Variants in PCDH9 observed in about 807,000 individuals in gnomAD.
PCDH9 encodes protocadherin 9.
A neutral mutation model predicts 70.6 loss-of-function variants in PCDH9; 24 were observed. The observed-to-expected ratio is 0.34, with a 90% confidence interval of 0.25 to 0.48. The LOEUF (loss-of-function observed/expected upper bound fraction) is 0.48, where lower values mean the gene tolerates loss of function less well. PCDH9 is among the 20% of genes least tolerant of loss of function. The pLI, the probability that PCDH9 is intolerant of heterozygous loss-of-function variation, is 0.99. For synonymous variants in PCDH9, 562 were observed against 558.5 expected (o/e 1.01, Z -0.09); for missense variants, 1,281 against 1,503.6 (o/e 0.85, Z 2.45).
intron 4 of PCDH9, among the ~76,000 whole-genome samples, chr13:66,433,201 CTAA>C (rs1211487637): frequency 3.3e-5 from 5 of 151,948 alleles, no homozygotes; most frequent in Non-Finnish European, 7.4e-5. Context: ...TTATATGAGA[CTAA>C]CTTGCAATAG....
intron 3 of PCDH9, among the ~76,000 whole-genome samples, chr13:66,877,389 T>C (rs1037367465): frequency 6.6e-6 from 1 of 151,728 alleles, no homozygotes; most frequent in Non-Finnish European, 1.5e-5. Flanking sequence ...TAGTGGTTTT[T>C]TTTTTTTGTT....
intron 2 of PCDH9, among the ~76,000 whole-genome samples, chr13:66,958,248 TTAC>T (rs2083293456): frequency 6.6e-6 from 1 of 152,168 alleles, no homozygotes; most frequent in Non-Finnish European, 1.5e-5. Context: ...AGACTGAGTA[TTAC>T]AATTGGAGTG....
intron 2 of PCDH9, among the ~76,000 whole-genome samples, chr13:67,042,193 G>A (rs988773575): frequency 2.0e-5 from 3 of 152,088 alleles, no homozygotes; most frequent in Middle Eastern, 3.2e-3. Context: ...TCTGAGATTT[G>A]GGGGATTGTG....
intron 3 of PCDH9, among the ~76,000 whole-genome samples, chr13:66,865,926 C>T: frequency 6.6e-6 from 1 of 152,168 alleles, no homozygotes; most frequent in East Asian, 1.9e-4. Flanking sequence ...CAAGGCTATC[C>T]TTAAATTTCG....
intron 2 of PCDH9, among the ~76,000 whole-genome samples, chr13:67,123,814 C>A (rs1480605092): frequency 6.6e-6 from 1 of 151,664 alleles, no homozygotes; most frequent in Non-Finnish European, 1.5e-5. Flanking sequence ...TTTGTATTTT[C>A]CCTTTGTAAA....
chr13:66,660,818 C>CCATTTTATTTTCTTTTTA (rs1328581093), intron 3 of PCDH9, among the ~76,000 whole-genome samples: 2 of 150,808 alleles, frequency 1.3e-5, no homozygotes, highest in African/African-American at 2.4e-5. Flanking sequence ...ATAATCAATC[C>CCATTTTATTTTCTTTTTA]CATTTTATTT....
chr13:66,341,267 G>T (rs901702456), intron 4 of PCDH9, among the ~76,000 whole-genome samples: 1 of 151,750 alleles, frequency 6.6e-6, no homozygotes, highest in African/African-American at 2.4e-5. Flanking sequence ...TAATGTTTTA[G>T]TTTTTTTGTA....
intron 3 of PCDH9, among the ~76,000 whole-genome samples, chr13:66,900,955 C>T (rs962334997): frequency 9.2e-5 from 14 of 151,620 alleles, no homozygotes; most frequent in African/African-American, 3.4e-4. Context: ...ATTTCAGATG[C>T]CAATTTTGTA....
intron 2 of PCDH9, among the ~76,000 whole-genome samples, chr13:66,972,448 T>G (rs1924311): frequency 1.3e-5 from 2 of 151,824 alleles, no homozygotes; most frequent in African/African-American, 4.8e-5. Flanking sequence ...TTTCTTAACT[T>G]GCATTATAAC....
rs184656759 is a variant in PCDH9, at chr13:66,960,735, T to A, written c.3037-57130A>T. Among the ~76,000 whole-genome samples the A allele has an allele frequency of 6.6e-5, 10 of 152,284 alleles. No homozygotes were observed. The East Asian group carries it at 1.9e-3, about 29-fold the overall frequency. On this transcript the variant is annotated intron_variant, in intron 2 of 4. Coordinates refer to ENST00000377865, the MANE Select transcript of PCDH9 (RefSeq NM_203487.3). Reference sequence around the variant, plus strand: ...AATTCATTACAGTCTCAATGCACTGTATAGAATGAAGAAAATATTCTTCGA... The same window carrying A: ...AATTCATTACAGTCTCAATGCACTGAATAGAATGAAGAAAATATTCTTCGA...
chr13:66,356,998 C>T (rs1459579727), intron 4 of PCDH9, among the ~76,000 whole-genome samples: 1 of 151,990 alleles, frequency 6.6e-6, no homozygotes, highest in Non-Finnish European at 1.5e-5. Context: ...TCCATTTCCC[C>T]ATACCAGTGT....
rs545509576 is a variant in PCDH9, at chr13:66,304,549, C to G, written c.*106G>C. On this transcript the variant is annotated 3_prime_UTR_variant, in exon 5 of 5. Transcript: ENST00000377865. ...TGCTAACACAAAGTTATAGGTATCC[C>G]TGCTAGAAGGGGCATAGTTGTAGAG... 260 of 863,336 alleles carry G rather than the reference C, an allele frequency of 3.0e-4. No homozygotes were observed. The highest frequency in any genetic ancestry group is 4.6e-4 in the Non-Finnish European group (247 of 542,080). The allele number at this position is 863,336 out of a possible 1,614,324, so 53.5% of individuals were successfully genotyped here. A position where few individuals can be genotyped will look rare whatever the true frequency, so the allele number is the denominator to read the frequency against.
chr13:66,727,811 C>T (rs1473792938), intron 3 of PCDH9, among the ~76,000 whole-genome samples: 1 of 151,668 alleles, frequency 6.6e-6, no homozygotes, highest in Non-Finnish European at 1.5e-5. Flanking sequence ...TTCATTTTTT[C>T]CAGTGGGGTC....
chr13:67,101,255 T>G (rs1348497557), intron 2 of PCDH9, among the ~76,000 whole-genome samples: 1 of 152,222 alleles, frequency 6.6e-6, no homozygotes, highest in African/African-American at 2.4e-5. Context: ...ATTTTAAAAC[T>G]GTATTTGTGA....
At chr13:66,647,953 G>A (rs556667085) in intron 3 of PCDH9, among the ~76,000 whole-genome samples, 69 of 152,206 alleles carry the variant, frequency 4.5e-4, no homozygotes, top group Admixed American at 2.4e-3. Flanking sequence ...AGACGGCCAG[G>A]GGGAGAAATT....
At chr13:66,936,603 A>G (rs192832693) in intron 2 of PCDH9, among the ~76,000 whole-genome samples, 1 of 152,322 alleles carries the variant, frequency 6.6e-6, no homozygotes, top group Admixed American at 6.5e-5. Flanking sequence ...ATCTCTTTAC[A>G]TAGGCATAGG....
At chr13:66,486,699 T>C (rs1480110137) in intron 4 of PCDH9, among the ~76,000 whole-genome samples, 1 of 152,060 alleles carries the variant, frequency 6.6e-6, no homozygotes, top group Non-Finnish European at 1.5e-5. Flanking sequence ...ATATGTAATA[T>C]GCATGATCTC....
At chr13:67,120,187 A>AAATAAGAATAATAAT (rs1555309198) in intron 2 of PCDH9, among the ~76,000 whole-genome samples, 47 of 143,740 alleles carry the variant, frequency 3.3e-4, no homozygotes, top group Non-Finnish European at 6.5e-4. Context: ...CTCATGCATT[A>AAATAAGAATAATAAT]AATAATAATA....
intron 3 of PCDH9, among the ~76,000 whole-genome samples, chr13:66,831,000 A>T (rs2080915159): frequency 6.6e-6 from 1 of 152,238 alleles, no homozygotes; most frequent in South Asian, 2.1e-4. Flanking sequence ...GTTATTAAAA[A>T]TATCCCTTAG....
Sources: allele counts gnomAD v4.1 joint callset (sites outside exome capture counted in the v4.1 genomes callset), GRCh38; gene constraint gnomAD v4.1.1; transcripts MANE v1.5; gene names NCBI Gene and HGNC (gene_info 2026-07-23, HGNC 2026-07-21).